The following NTM variants were observed in gnomAD, a reference collection of about 807,000 sequenced individuals.
NTM encodes neurotrimin.
NTM carries 13 observed loss-of-function variants against 42.1 expected under a neutral mutation model. The ratio of observed to expected loss-of-function variants is 0.31; its 90% CI spans 0.20 to 0.49. The LOEUF is 0.49. Among genes scored for constraint, NTM ranks in the 20% least tolerant of loss-of-function variants. The pLI is 0.99. For synonymous variants in NTM, 187 were observed against 179.2 expected, an observed-to-expected ratio of 1.04 and a Z score of -0.35; for missense variants, 373 against 452.8, an observed-to-expected ratio of 0.82 and a Z score of 1.60.
At chr11:131,550,970 T>G (rs529529473) in intron 1 of NTM, among the ~76,000 whole-genome samples, 19 of 152,376 alleles carry the variant, frequency 1.2e-4, no homozygotes, top group African/African-American at 3.4e-4. Flanking sequence ...TGAGCCTAGA[T>G]GCAGACCCGC....
intron 3 of NTM, among the ~76,000 whole-genome samples, chr11:132,152,179 A>T (rs2137445861): frequency 6.6e-6 from 1 of 152,364 alleles, no homozygotes; most frequent in East Asian, 1.9e-4. Flanking sequence ...CCTTACTTTG[A>T]AAGCAAAGCT....
At chr11:131,663,960 A>G (rs2068545625) in intron 1 of NTM, among the ~76,000 whole-genome samples, 1 of 152,236 alleles carries the variant, frequency 6.6e-6, no homozygotes. Flanking sequence ...TGACTACAGT[A>G]TTTGTGCACT....
chr11:132,138,104 C>G (rs2068302496), intron 2 of NTM, among the ~76,000 whole-genome samples: 1 of 152,188 alleles, frequency 6.6e-6, no homozygotes, highest in African/African-American at 2.4e-5. Flanking sequence ...TCTTTCCAAC[C>G]TTGGCAGCCG....
At chr11:132,305,990 C>T (rs1329630199) in intron 4 of NTM, among the ~76,000 whole-genome samples, 1 of 152,134 alleles carries the variant, frequency 6.6e-6, no homozygotes, top group East Asian at 1.9e-4. Context: ...CTGTATGTAA[C>T]AGAGGCAAGA....
intron 1 of NTM, among the ~76,000 whole-genome samples, chr11:131,870,323 A>G (rs962973049): frequency 6.6e-6 from 1 of 152,224 alleles, no homozygotes; most frequent in Admixed American, 6.5e-5. Flanking sequence ...ACAAAATGGG[A>G]TAATAATACT....
chr11:131,579,064 G>A (rs1483609017), intron 1 of NTM, among the ~76,000 whole-genome samples: 5 of 152,134 alleles, frequency 3.3e-5, no homozygotes, highest in Admixed American at 2.0e-4. Flanking sequence ...CAATTGATGG[G>A]GAGCTTGAGG....
At chr11:131,657,361 A>G (rs2067338677) in intron 1 of NTM, among the ~76,000 whole-genome samples, 1 of 152,140 alleles carries the variant, frequency 6.6e-6, no homozygotes, top group South Asian at 2.1e-4. Flanking sequence ...GGAGAAAAAC[A>G]AGTCAAGCTT....
At chr11:132,198,054 G>A (rs150989574) in intron 3 of NTM, among the ~76,000 whole-genome samples, 5 of 152,208 alleles carry the variant, frequency 3.3e-5, no homozygotes, top group African/African-American at 9.6e-5. Flanking sequence ...TCTAGTTCTA[G>A]ATCCCTGAGG....
At chr11:132,164,228 T>C (rs2074897679) in intron 3 of NTM, among the ~76,000 whole-genome samples, 1 of 151,534 alleles carries the variant, frequency 6.6e-6, no homozygotes, top group Non-Finnish European at 1.5e-5. Context: ...GCTTTGTTTG[T>C]TGTTGTTGTT....
At chr11:131,779,856 G>A (rs1224609379) in intron 1 of NTM, among the ~76,000 whole-genome samples, 1 of 152,196 alleles carries the variant, frequency 6.6e-6, no homozygotes, top group Admixed American at 6.5e-5. Flanking sequence ...GGATGGGAGT[G>A]CAGGCTAGAG....
At chr11:131,653,213 T>C (rs1483152643) in intron 1 of NTM, among the ~76,000 whole-genome samples, 1 of 152,096 alleles carries the variant, frequency 6.6e-6, no homozygotes, top group Non-Finnish European at 1.5e-5. Context: ...AGGGACCTTT[T>C]TTTTGAGGTT....
intron 1 of NTM, among the ~76,000 whole-genome samples, chr11:131,796,656 G>A (rs1342460172): frequency 6.6e-6 from 1 of 152,232 alleles, no homozygotes; most frequent in African/African-American, 2.4e-5. Context: ...TAGAGAGGGT[G>A]CATCTGGAGC....
intron 2 of NTM, among the ~76,000 whole-genome samples, chr11:131,966,562 C>T (rs1047342565): frequency 3.9e-5 from 6 of 152,126 alleles, no homozygotes; most frequent in South Asian, 2.1e-4. Flanking sequence ...GAATGATTAA[C>T]GCATTTTCCT....
chr11:132,047,509 C>T (rs980058955), intron 2 of NTM, among the ~76,000 whole-genome samples: 2 of 152,362 alleles, frequency 1.3e-5, no homozygotes, highest in Middle Eastern at 3.4e-3. Flanking sequence ...AAGGATTGAT[C>T]TCAGCACCTC....
At position 132,146,534 on chromosome 11, in the gene NTM, C is replaced by T. The variant is rs772472526; in HGVS notation, c.400+20C>T. The T allele has an allele frequency of 4.8e-5, 77 of 1,609,090 alleles. No homozygotes were observed. The highest frequency in any genetic ancestry group is 6.6e-5 in the South Asian group (6 of 90,822). On this transcript the variant is annotated intron_variant, in intron 3 of 8. Coordinates refer to ENST00000683400, the MANE Select transcript of NTM (RefSeq NM_001352005.2). The surrounding 1 kb of genome is among the most constrained non-coding windows in gnomAD (Gnocchi z 4.5). Reference sequence around the variant, plus strand: ...TGCAAGGTAGGTGGGCGGGGCTTGGCGGGGAGATCTGGCTGGCCAGCCTGG... The same window carrying T: ...TGCAAGGTAGGTGGGCGGGGCTTGGTGGGGAGATCTGGCTGGCCAGCCTGG...
At chr11:131,510,963 T>C (rs549245800) in intron 1 of NTM, among the ~76,000 whole-genome samples, 72 of 152,330 alleles carry the variant, frequency 4.7e-4, no homozygotes, top group African/African-American at 1.5e-3. Flanking sequence ...GACAGGGCCA[T>C]ACTGTGTCCT....
chr11:131,925,382 TC>T (rs1265760726), intron 2 of NTM, among the ~76,000 whole-genome samples: 4 of 134,636 alleles, frequency 3.0e-5, no homozygotes, highest in Middle Eastern at 3.8e-3. Flanking sequence ...CTTTCTTTTC[TC>T]TTTTTTTTTT....
chr11:131,984,445 T>G (rs1437406953), intron 2 of NTM: 1 of 152,250 alleles, frequency 6.6e-6, no homozygotes, highest in Non-Finnish European at 1.5e-5. Context: ...GCTTCTTATC[T>G]ATACTCTGAT....
chr11:131,548,041 A>T (rs2054174756), intron 1 of NTM, among the ~76,000 whole-genome samples: 1 of 152,236 alleles, frequency 6.6e-6, no homozygotes, highest in South Asian at 2.1e-4. Flanking sequence ...CATACTAATT[A>T]GGTGACCTTA....
Sources: allele counts gnomAD v4.1 joint callset (sites outside exome capture counted in the v4.1 genomes callset), GRCh38; gene constraint gnomAD v4.1.1; non-coding constraint Gnocchi (gnomAD v3.1); transcripts MANE v1.5; gene names NCBI Gene and HGNC (gene_info 2026-07-23, HGNC 2026-07-21).